The following SIK3 variants were observed in gnomAD, a reference collection of about 807,000 sequenced individuals.
SIK3 encodes the protein SIK family kinase 3.
Under a neutral mutation model 144.2 loss-of-function variants are expected in SIK3, and 28 were observed. The ratio of observed to expected loss-of-function variants is 0.19; its 90% CI spans 0.14 to 0.27. The LOEUF (loss-of-function observed/expected upper bound fraction) is 0.27. SIK3 is among the 10% of genes least tolerant of loss of function. SIK3 has a pLI of 1.00. For missense variants in SIK3, 1,319 were observed against 1,776.0 expected, an observed-to-expected ratio of 0.74 and a Z score of 4.62; for synonymous variants, 686 against 676.3, an observed-to-expected ratio of 1.01 and a Z score of -0.22.
chr11:117,000,009 T>C (rs1950795539), intron 1 of SIK3, among the ~76,000 whole-genome samples: 1 of 152,244 alleles, frequency 6.6e-6, no homozygotes. Context: ...AAAAAGAATG[T>C]AGTTATAATT....
chr11:116,878,865 C>T (rs958482383), intron 6 of SIK3, among the ~76,000 whole-genome samples: 1 of 152,186 alleles, frequency 6.6e-6, no homozygotes, highest in Admixed American at 6.5e-5. Flanking sequence ...AGAGTTTAAA[C>T]GTCACTTCCT....
At position 116,984,706 on chromosome 11, in the gene SIK3, C is replaced by CACACACA. The variant is rs11440261; in HGVS notation, c.274-27643_274-27642insTGTGTGT. On this transcript the variant is annotated intron_variant, in intron 1 of 24. Transcript: ENST00000445177. ...GGAAAAAAAGCAACACACACACACACCACAGACACCCCAAGACAGGCCTAC... is the reference window on the plus strand; with the variant it reads ...GGAAAAAAAGCAACACACACACACACACACACACACAGACACCCCAAGACAGGCCTAC... Among the ~76,000 whole-genome samples the CACACACA allele has an allele frequency of 1.6e-4, 25 of 152,032 alleles. No homozygotes were observed. In the East Asian group the frequency reaches 2.1e-3, roughly 13 times the overall value.
chr11:116,978,839 T>C (rs1157844243), intron 1 of SIK3, among the ~76,000 whole-genome samples: 1 of 152,058 alleles, frequency 6.6e-6, no homozygotes, highest in Non-Finnish European at 1.5e-5. Flanking sequence ...CCTTTTTTGA[T>C]CCCCACTATT....
chr11:117,037,490 T>C (rs750041957), intron 1 of SIK3, among the ~76,000 whole-genome samples: 1 of 152,156 alleles, frequency 6.6e-6, no homozygotes, highest in Non-Finnish European at 1.5e-5. Flanking sequence ...AAGGAGGGAA[T>C]GATCATCATG....
chr11:116,974,102 G>A (rs575216787), intron 1 of SIK3, among the ~76,000 whole-genome samples: 8 of 152,310 alleles, frequency 5.3e-5, no homozygotes, highest in African/African-American at 1.7e-4. Context: ...GAAACTGACC[G>A]TGGGGTATTT....
intron 1 of SIK3, among the ~76,000 whole-genome samples, chr11:117,060,960 A>C (rs1953764038): frequency 6.6e-6 from 1 of 152,180 alleles, no homozygotes; most frequent in Non-Finnish European, 1.5e-5. Context: ...CTCAACATAA[A>C]GCCTGGCCAG....
rs201786898 is a variant in SIK3 at position 116,844,623 on chromosome 11, ATATATAATATATTATAT to A, written c.*1003_*1019del. The A allele has an allele frequency of 0.2, 10,821 of 55,240 alleles. 1,585 individuals carry two copies. The highest frequency in any genetic ancestry group is 0.46 in the African/African-American group (10,257 of 22,164). The allele number at this position is 55,240 out of a possible 1,614,324, so 3.4% of individuals were successfully genotyped here. A position where few individuals can be genotyped will look rare whatever the true frequency, so the allele number is the denominator to read the frequency against. ...TATATATATATTATATATATAATAT[ATATATAATATATTATAT>A]TATATATTATATATATAATATATAT... is the stretch of plus-strand genomic sequence containing the variant. On this transcript the variant is annotated 3_prime_UTR_variant, in exon 25 of 25. Coordinates refer to ENST00000445177, the MANE Select transcript of SIK3 (RefSeq NM_001366686.3).
At chr11:116,890,013 T>C (rs1169207861) in intron 6 of SIK3, among the ~76,000 whole-genome samples, 1 of 152,254 alleles carries the variant, frequency 6.6e-6, no homozygotes, top group Non-Finnish European at 1.5e-5. Context: ...AGAGGGGCTT[T>C]TGGAGTCAGT....
intron 6 of SIK3, among the ~76,000 whole-genome samples, chr11:116,894,529 T>C (rs1416979759): frequency 2.0e-5 from 3 of 152,226 alleles, no homozygotes; most frequent in Non-Finnish European, 4.4e-5. Context: ...CTGGAGTCTT[T>C]CTTTCATATC....
chr11:116,855,096 A>AAAAAAC (rs1942787776), intron 21 of SIK3, among the ~76,000 whole-genome samples: 1 of 151,178 alleles, frequency 6.6e-6, no homozygotes, highest in African/African-American at 2.4e-5. Flanking sequence ...AAAAAAAAAA[A>AAAAAAC]AAAAAAAAAA....
At chr11:116,870,190 A>C in intron 14 of SIK3, 141 bp downstream of exon 14, 1 of 1,543,842 alleles carries the variant, frequency 6.5e-7, no homozygotes, top group Non-Finnish European at 8.7e-7. Flanking sequence ...GTGGGGTGGA[A>C]CATGCCATCT....
At position 116,895,038 on chromosome 11, in the gene SIK3, C is replaced by T. The variant is rs577042447; in HGVS notation, c.865+1215G>A. Among the ~76,000 whole-genome samples, 4 of 152,298 alleles carry T rather than the reference C, an allele frequency of 2.6e-5. No homozygotes were observed. In the South Asian group the frequency reaches 8.3e-4, roughly 32 times the overall value. On this transcript the variant is annotated intron_variant, in intron 6 of 24. Transcript: ENST00000445177. Reference sequence around the variant, plus strand: ...AAAAAATAAAACTCAGATTACATCACTCCTGTCAAAACCCTCCAATCCTGT... The same window carrying T: ...AAAAAATAAAACTCAGATTACATCATTCCTGTCAAAACCCTCCAATCCTGT...
At chr11:117,023,710 T>C (rs987864181) in intron 1 of SIK3, among the ~76,000 whole-genome samples, 1 of 151,242 alleles carries the variant, frequency 6.6e-6, no homozygotes, top group Non-Finnish European at 1.5e-5. Context: ...AGGGTCTCTC[T>C]GTGTCACCCA....
At chr11:117,055,028 T>C (rs138433155) in intron 1 of SIK3, among the ~76,000 whole-genome samples, 127 of 152,316 alleles carry the variant, frequency 8.3e-4, no homozygotes, top group African/African-American at 2.6e-3. Flanking sequence ...TCATTTAATA[T>C]TGATAAAATA....
chr11:116,932,612 T>C (rs751773251), intron 3 of SIK3, among the ~76,000 whole-genome samples: 7 of 152,122 alleles, frequency 4.6e-5, no homozygotes, highest in Admixed American at 6.5e-5. Context: ...GATACAAAAA[T>C]ATTTCACCAC....
At chr11:116,951,100 C>T (rs1473818745) in intron 3 of SIK3, among the ~76,000 whole-genome samples, 1 of 152,168 alleles carries the variant, frequency 6.6e-6, no homozygotes, top group Non-Finnish European at 1.5e-5. Flanking sequence ...AACTATAATA[C>T]AAATATTCTA....
At chr11:116,873,818 A>AG in intron 12 of SIK3, 85 bp downstream of exon 12, 1 of 1,518,768 alleles carries the variant, frequency 6.6e-7, no homozygotes, top group Non-Finnish European at 8.8e-7. Flanking sequence ...TAAACCCTTA[A>AG]GTCCTAGGGA....
intron 3 of SIK3, among the ~76,000 whole-genome samples, chr11:116,944,318 A>G (rs1948465460): frequency 6.6e-6 from 1 of 152,096 alleles, no homozygotes; most frequent in Non-Finnish European, 1.5e-5. Flanking sequence ...GAGTCTAATA[A>G]CATGATTTAG....
intron 6 of SIK3, among the ~76,000 whole-genome samples, chr11:116,888,794 T>G (rs1260588270): frequency 1.3e-5 from 2 of 152,242 alleles, no homozygotes; most frequent in Non-Finnish European, 2.9e-5. Flanking sequence ...TGGCTTTCTC[T>G]GAGTCTTGAA....
Sources: gnomAD v4.1 joint callset for allele counts (sites outside exome capture counted in the v4.1 genomes callset) on GRCh38, gnomAD v4.1.1 for gene constraint, MANE v1.5 for transcripts, NCBI Gene and HGNC (gene_info 2026-07-23, HGNC 2026-07-21) for gene names.